LARS1: variants seen among roughly 807,000 people sequenced by gnomAD.
LARS1 encodes the protein leucyl-tRNA synthetase 1.
LARS1 carries 100 observed loss-of-function variants against 162.8 expected under a neutral mutation model. That is an observed-to-expected ratio of 0.61 (90% confidence interval 0.52 to 0.73). LARS1 has a LOEUF of 0.73. Among genes scored for constraint, LARS1 ranks in the 30% least tolerant of loss-of-function variants. The pLI is 0.00. For missense variants in LARS1, 1,258 were observed against 1,408.9 expected (o/e 0.89, Z 1.71); for synonymous variants, 457 against 462.8 (o/e 0.99, Z 0.16).
At chr5:146,127,536 CA>C (rs1299119528) in intron 27 of LARS1, among the ~76,000 whole-genome samples, 3 of 151,960 alleles carry the variant, frequency 2.0e-5, no homozygotes, top group African/African-American at 7.2e-5. Flanking sequence ...TCAAAAAGAA[CA>C]GAGGTGATGC....
intron 1 of LARS1, among the ~76,000 whole-genome samples, chr5:146,178,093 G>A (rs888010537): frequency 1.9e-4 from 29 of 150,084 alleles, no homozygotes; most frequent in Admixed American, 1.7e-3. Context: ...GCAAGACTCC[G>A]CCAGAAAAAA....
intron 1 of LARS1, chr5:146,182,167 C>T: frequency 2.9e-6 from 1 of 349,840 alleles, no homozygotes; most frequent in Non-Finnish European, 5.4e-6. Flanking sequence ...TCTCGAACTC[C>T]TGACCTCAAA....
At chr5:146,157,871 C>G in intron 8 of LARS1, 76 bp from the exon 9 acceptor site, 1 of 1,393,424 alleles carries the variant, frequency 7.2e-7, no homozygotes, top group Non-Finnish European at 1.0e-6. Flanking sequence ...TGTGAGAGAT[C>G]TGATTCAAGT....
intron 6 of LARS1, among the ~76,000 whole-genome samples, chr5:146,161,232 C>T (rs547688009): frequency 6.6e-6 from 1 of 152,172 alleles, no homozygotes; most frequent in Non-Finnish European, 1.5e-5. Context: ...GAGTTGTAAT[C>T]TTTGTGCTGG....
intron 1 of LARS1, among the ~76,000 whole-genome samples, chr5:146,178,619 CAAA>C (rs11453686): frequency 7.1e-6 from 1 of 141,078 alleles, no homozygotes; most frequent in Admixed American, 7.0e-5. Flanking sequence ...CATCCCCCAC[CAAA>C]AAAAAAAAAA....
rs1764100142 is a variant in LARS1 at position 146,114,241 on chromosome 5, T to A, written c.3396A>T (p.Gly1132=). The A allele has an allele frequency of 1.2e-6, 2 of 1,613,772 alleles. No individual in the cohort carries two copies. The highest frequency in any genetic ancestry group is 2.7e-5 in the African/African-American group (2 of 74,808). ...TGGGGGTCTTCTCGGTGTACTCCTTTCCCAGGACAGGAACTCGTCGAGGCC... is the reference window on the plus strand; with the variant it reads ...TGGGGGTCTTCTCGGTGTACTCCTTACCCAGGACAGGAACTCGTCGAGGCC... ...LLGPRRVPVL[G]KEYTEKTPIS... Residue 1132 remains glycine, a synonymous_variant, in exon 32 of 32, where the codon GGA becomes GGT. Coordinates refer to ENST00000394434, the MANE Select transcript of LARS1 (RefSeq NM_020117.11).
chr5:146,170,704 AG>A (rs1754226463), intron 4 of LARS1, among the ~76,000 whole-genome samples: 1 of 151,994 alleles, frequency 6.6e-6, no homozygotes, highest in African/African-American at 2.4e-5. Flanking sequence ...AGAAAAAGAG[AG>A]AGAGAAGGGC....
intron 8 of LARS1, among the ~76,000 whole-genome samples, chr5:146,159,150 A>AT (rs1281179463): frequency 2.0e-5 from 3 of 151,954 alleles, no homozygotes; most frequent in African/African-American, 7.3e-5. Context: ...TGATTCAGCA[A>AT]TTTTGGGGTG....
rs762214798 is a variant in LARS1, at chr5:146,172,741, T to A, written c.159A>T (p.Pro53=). ...KGKYFVTFPY[P]YMNGRLHLGH... ...CCAAATGAAGGCGTCCATTCATATA[T>A]GGATATGGGAAGGTTACAAAATACT... The change falls in exon 3 of 32, where the codon CCA becomes CCT. Residue 53 remains proline (P), a synonymous_variant. Coordinates refer to ENST00000394434, the MANE Select transcript of LARS1 (RefSeq NM_020117.11). The A allele has an allele frequency of 3.2e-6, 5 of 1,580,972 alleles. No individual in the cohort carries two copies. In the African/African-American group the frequency reaches 6.8e-5, roughly 22 times the overall value.
At position 146,154,087 on chromosome 5, in the gene LARS1, T is replaced by C. The variant is rs138274332; in HGVS notation, c.1066-107A>G. On this transcript the variant is annotated intron_variant, in intron 10 of 31. Transcript: ENST00000394434. ...CCTGAGAAGCTAGTAATCAAAAATA[T>C]ATGGAAATAAATTCAAGAGCTATAT... is the stretch of plus-strand genomic sequence containing the variant. The C allele has an allele frequency of 1.3e-4, 95 of 722,276 alleles. 1 individual carries two copies. The African/African-American group carries it at 1.5e-3, about 11-fold the overall frequency. 44.7% of individuals were successfully genotyped at this position (722,276 alleles called of 1,614,324 possible).
chr5:146,162,491 G>C (rs1753819049), intron 6 of LARS1, among the ~76,000 whole-genome samples: 1 of 152,092 alleles, frequency 6.6e-6, no homozygotes, highest in Admixed American at 6.6e-5. Context: ...GCTTTAAACA[G>C]ATGTGCTGTC....
Position 146,182,605 on chromosome 5 carries a change from A to C in LARS1, c.-112T>G. The C allele has an allele frequency of 1.4e-6, 2 of 1,396,944 alleles. No homozygotes were observed. Among genetic ancestry groups the C allele is most frequent in the Non-Finnish European group, 2.0e-6 (2 of 983,638 alleles). 86.5% of individuals were successfully genotyped at this position (1,396,944 alleles called of 1,614,324 possible). ...GGATGCCAGGCCTCCCACGAAACTA[A>C]AGCACACGCTTCACACCTGCTGAGG... is the stretch of plus-strand genomic sequence containing the variant. On this transcript the variant is annotated 5_prime_UTR_variant, in exon 1 of 32. Coordinates refer to ENST00000394434, the MANE Select transcript of LARS1 (RefSeq NM_020117.11).
chr5:146,124,725 T>C (rs1751972426), intron 28 of LARS1, among the ~76,000 whole-genome samples: 1 of 151,958 alleles, frequency 6.6e-6, no homozygotes, highest in Non-Finnish European at 1.5e-5. Flanking sequence ...ACCTAGAACA[T>C]GTTATACTTA....
intron 31 of LARS1, among the ~76,000 whole-genome samples, chr5:146,114,721 G>C (rs1312931027): frequency 6.6e-6 from 1 of 151,866 alleles, no homozygotes; most frequent in East Asian, 1.9e-4. Flanking sequence ...GGGCAACAAA[G>C]TGAGACTCTA....
intron 31 of LARS1, 86 bp from the exon 32 acceptor site, chr5:146,114,397 G>A (rs778629177): frequency 1.6e-5 from 17 of 1,049,098 alleles, no homozygotes; most frequent in Non-Finnish European, 2.4e-5. Flanking sequence ...TTTTAAATAC[G>A]CTGGTTGTTA....
At position 146,113,877 on chromosome 5, in the gene LARS1, G is replaced by A. The variant is rs1421748614; in HGVS notation, c.*229C>T. On this transcript the variant is annotated 3_prime_UTR_variant, in exon 32 of 32. Coordinates refer to ENST00000394434, the MANE Select transcript of LARS1 (RefSeq NM_020117.11). ...AGCAACAATTTGTTTTTTAAAAAGA[G>A]TTTGGCAAAAACCATTTCTCTTGGA... The A allele has an allele frequency of 2.0e-6, 1 of 498,900 alleles. No homozygotes were observed. Among genetic ancestry groups the A allele is most frequent in the East Asian group, 3.2e-5 (1 of 30,918 alleles). 30.9% of individuals were successfully genotyped at this position (498,900 alleles called of 1,614,324 possible). A position where few individuals can be genotyped will look rare whatever the true frequency, so the allele number is the denominator to read the frequency against.
Position 146,175,208 on chromosome 5 carries a change from C to T in LARS1, c.125+2339G>A, listed in dbSNP as rs570524712. On this transcript the variant is annotated intron_variant, in intron 2 of 31. Coordinates refer to ENST00000394434, the MANE Select transcript of LARS1 (RefSeq NM_020117.11). ...CACTCCAGCCTGGGTGACAGAGGCT[C>T]GCTCCATCTGACACCACAGACTCTG... 2.5e-3 allele frequency among the ~76,000 whole-genome samples: 370 copies of T among 149,044 alleles called. 2 individuals are homozygous for T. Among genetic ancestry groups the T allele is most frequent in the Non-Finnish European group, 4.5e-3 (302 of 67,242 alleles).
At position 146,182,526 on chromosome 5, in the gene LARS1, C is replaced by A; in HGVS notation, c.-33G>T. On this transcript the variant is annotated 5_prime_UTR_variant, in exon 1 of 32. Transcript: ENST00000394434. ...CCCAGCCGACTGTGCAAATCCACGACAATGACCCTGGCGACCTCCACAAAG... is the reference window on the plus strand; with the variant it reads ...CCCAGCCGACTGTGCAAATCCACGAAAATGACCCTGGCGACCTCCACAAAG... The A allele has an allele frequency of 6.2e-7, 1 of 1,613,966 alleles. No homozygotes were observed. The highest frequency in any genetic ancestry group is 8.5e-7 in the Non-Finnish European group (1 of 1,179,920).
Position 146,114,064 on chromosome 5 carries a change from G to C in LARS1, c.*42C>G. The C allele has an allele frequency of 2.1e-6, 3 of 1,452,044 alleles. No individual in the cohort carries two copies. The highest frequency in any genetic ancestry group is 2.9e-6 in the Non-Finnish European group (3 of 1,034,094). The allele number at this position is 1,452,044 out of a possible 1,614,324, so 89.9% of individuals were successfully genotyped here. A position where few individuals can be genotyped will look rare whatever the true frequency, so the allele number is the denominator to read the frequency against. On this transcript the variant is annotated 3_prime_UTR_variant, in exon 32 of 32. Transcript: ENST00000394434. ...ATCAGTAGACACAATCAGAGTAGTA[G>C]TATTCCTAAGAAACCAGGATAAATC... is the stretch of plus-strand genomic sequence containing the variant.
Sources: allele counts gnomAD v4.1 joint callset (sites outside exome capture counted in the v4.1 genomes callset), GRCh38; gene constraint gnomAD v4.1.1; transcripts MANE v1.5; gene names NCBI Gene and HGNC (gene_info 2026-07-23, HGNC 2026-07-21).